The following PDGFC variants were observed in gnomAD, a reference collection of about 807,000 sequenced individuals.
PDGFC encodes platelet-derived growth factor C.
Under a neutral mutation model 35.5 loss-of-function variants are expected in PDGFC, and 12 were observed. The ratio of observed to expected loss-of-function variants is 0.34; its 90% CI spans 0.22 to 0.55. The LOEUF is 0.55. Ranked by LOEUF, PDGFC falls within the 20% of genes least tolerant of loss-of-function variation. The pLI is 0.91. For missense variants in PDGFC, 322 were observed against 412.4 expected (o/e 0.78, Z 1.90); for synonymous variants, 159 against 148.8 (o/e 1.07, Z -0.50).
chr4:156,913,803 T>A (rs566000402), intron 1 of PDGFC, among the ~76,000 whole-genome samples: 1 of 152,182 alleles, frequency 6.6e-6, no homozygotes, highest in Non-Finnish European at 1.5e-5. Flanking sequence ...ACCTCTCTAA[T>A]GGCCCCAGGC....
intron 1 of PDGFC, among the ~76,000 whole-genome samples, chr4:156,927,375 T>C (rs1731439867): frequency 6.6e-6 from 1 of 152,168 alleles, no homozygotes; most frequent in Non-Finnish European, 1.5e-5. Context: ...TCCTCAAAAA[T>C]GGGTTTTTCT....
intron 1 of PDGFC, among the ~76,000 whole-genome samples, chr4:156,942,108 G>A (rs909577229): frequency 2.0e-5 from 3 of 151,844 alleles, no homozygotes; most frequent in Non-Finnish European, 4.4e-5. Context: ...GCCTAAAGAC[G>A]AGAGGGAAAA....
chr4:156,922,097 T>C (rs1319804960), intron 1 of PDGFC, among the ~76,000 whole-genome samples: 1 of 151,886 alleles, frequency 6.6e-6, no homozygotes, highest in Non-Finnish European at 1.5e-5. Context: ...ATAAATATAT[T>C]GTAAGGAGCA....
Position 156,858,850 on chromosome 4 carries a change from A to C in PDGFC, c.119-8434T>G, listed in dbSNP as rs575516446. Among the ~76,000 whole-genome samples, 176 of 152,238 alleles carry C rather than the reference A, an allele frequency of 1.2e-3. 1 individual carries two copies. Among genetic ancestry groups the C allele is most frequent in the African/African-American group, 4.1e-3 (170 of 41,588 alleles). ...CAATAAAGAATTTCATCTGTTTTGG[A>C]GATTAAGCATCTGTTAATTTTCTAC... On this transcript the variant is annotated intron_variant, in intron 1 of 5. Coordinates refer to ENST00000502773, the MANE Select transcript of PDGFC (RefSeq NM_016205.3).
In PDGFC at chr4:156,762,637, A is replaced by G. The variant is rs1192959037; in HGVS notation, c.*453T>C. 6.5e-6 allele frequency: 1 copy of G among 153,022 alleles called. No homozygotes were observed. The allele number at this position is 153,022 out of a possible 1,614,324, so 9.5% of individuals were successfully genotyped here. On this transcript the variant is annotated 3_prime_UTR_variant, in exon 6 of 6. Transcript: ENST00000502773. ...ATGTGAATATGAGCAAAAAAAAAAA[A>G]AAAAATCCAGATTTTATACGATTTT...
chr4:156,863,207 T>C (rs1278909249), intron 1 of PDGFC, among the ~76,000 whole-genome samples: 21 of 152,188 alleles, frequency 1.4e-4, no homozygotes, highest in Admixed American at 1.2e-3. Flanking sequence ...AGTGATGTTA[T>C]TAATTATGTC....
intron 1 of PDGFC, among the ~76,000 whole-genome samples, chr4:156,956,123 C>G (rs1476591306): frequency 6.6e-6 from 1 of 152,022 alleles, no homozygotes; most frequent in Non-Finnish European, 1.5e-5. Context: ...ACAGTAATCA[C>G]CACAACACGC....
rs541379271 is a variant in PDGFC, at chr4:156,861,418, G to C, written c.119-11002C>G. 243 of 1,132,694 alleles carry C rather than the reference G, an allele frequency of 2.1e-4. 5 individuals carry two copies. The South Asian group carries it at 3.1e-3, about 14-fold the overall frequency. 70.2% of individuals were successfully genotyped at this position (1,132,694 alleles called of 1,614,324 possible). A position where few individuals can be genotyped will look rare whatever the true frequency, so the allele number is the denominator to read the frequency against. On this transcript the variant is annotated intron_variant, in intron 1 of 5. Transcript: ENST00000502773. The stretch of plus-strand genomic sequence containing the variant: ...AAACTCAGAGTAAATAAAAATATAC[G>C]TTTTGCTTACCTTTTAAATGTTCTT...
At chr4:156,882,171 A>T (rs1730259906) in intron 1 of PDGFC, among the ~76,000 whole-genome samples, 1 of 152,136 alleles carries the variant, frequency 6.6e-6, no homozygotes, top group Non-Finnish European at 1.5e-5. Flanking sequence ...CCGCAACTAA[A>T]ACAATACATT....
rs535547644 is a variant in PDGFC, at chr4:156,799,323, A to C, written c.495+11514T>G. Among the ~76,000 whole-genome samples the C allele has an allele frequency of 3.3e-5, 5 of 152,244 alleles. No individual in the cohort carries two copies. The East Asian group carries it at 9.7e-4, about 29-fold the overall frequency. On this transcript the variant is annotated intron_variant, in intron 3 of 5. Coordinates refer to ENST00000502773, the MANE Select transcript of PDGFC (RefSeq NM_016205.3). ...ACCTTTGCCCTGGGGCCAAGACACA[A>C]AGACATCTTGGAAATTCCCCCCTCA...
At chr4:156,963,209 T>C (rs1732382554) in intron 1 of PDGFC, among the ~76,000 whole-genome samples, 1 of 152,108 alleles carries the variant, frequency 6.6e-6, no homozygotes, top group South Asian at 2.1e-4. Flanking sequence ...GGCTCACCTC[T>C]GTAATCCCAG....
chr4:156,893,418 C>A lies in PDGFC; in HGVS notation c.119-43002G>T, dbSNP rs573585300. Among the ~76,000 whole-genome samples the A allele has an allele frequency of 2.0e-5, 3 of 152,010 alleles. No homozygotes were observed. The South Asian group carries it at 6.2e-4, about 32-fold the overall frequency. The stretch of plus-strand genomic sequence containing the variant: ...GGCAATCACACACTGCAGCCTCTAA[C>A]TCCTGGCCTCAAGCAATCTCACCTC... On this transcript the variant is annotated intron_variant, in intron 1 of 5. Coordinates refer to ENST00000502773, the MANE Select transcript of PDGFC (RefSeq NM_016205.3).
Position 156,970,914 on chromosome 4 carries a change from G to A in PDGFC, c.-11C>T, listed in dbSNP as rs768950534. On this transcript the variant is annotated 5_prime_UTR_variant, in exon 1 of 6. The change creates a premature stop within an existing upstream ORF in the 5' untranslated region. Transcript: ENST00000502773. ...CCCGAAGAGGCTCATTTGGCTGACT[G>A]GGGTGAGAGCTCACTCACGGCGGGC... The A allele has an allele frequency of 9.5e-6, 15 of 1,577,420 alleles. No homozygotes were observed. The highest frequency in any genetic ancestry group is 1.3e-5 in the Non-Finnish European group (15 of 1,147,204).
chr4:156,913,646 C>T (rs549999697), intron 1 of PDGFC, among the ~76,000 whole-genome samples: 3 of 151,010 alleles, frequency 2.0e-5, no homozygotes, highest in African/African-American at 4.9e-5. Flanking sequence ...CAATAAACAC[C>T]TTATCTTACT....
chr4:156,922,745 C>CG (rs1553978922), intron 1 of PDGFC, among the ~76,000 whole-genome samples: 1 of 151,778 alleles, frequency 6.6e-6, no homozygotes, highest in African/African-American at 2.4e-5. Flanking sequence ...GGTTGGGGGT[C>CG]GGGGGGTGTT....
chr4:156,966,319 G>A (rs1560894627), intron 1 of PDGFC, among the ~76,000 whole-genome samples: 1 of 152,106 alleles, frequency 6.6e-6, no homozygotes, highest in Non-Finnish European at 1.5e-5. Flanking sequence ...TATATATTCT[G>A]ATTACGTATA....
chr4:156,953,047 C>T (rs1732120171), intron 1 of PDGFC, among the ~76,000 whole-genome samples: 2 of 151,822 alleles, frequency 1.3e-5, no homozygotes, highest in Non-Finnish European at 2.9e-5. Context: ...AGCCTAAGCA[C>T]AATGTTTAAA....
chr4:156,801,588 T>C lies in PDGFC; in HGVS notation c.495+9249A>G, dbSNP rs144617786. ...AGAGTTCTTCCTTGGAAGCCATTTA[T>C]AGAGCATGGCACTTGGCACATACTA... is the stretch of plus-strand genomic sequence containing the variant. On this transcript the variant is annotated intron_variant, in intron 3 of 5. Transcript: ENST00000502773. 1.7e-3 allele frequency among the ~76,000 whole-genome samples: 255 copies of C among 152,310 alleles called. 1 individual carries two copies. The highest frequency in any genetic ancestry group is 5.6e-3 in the African/African-American group (232 of 41,574).
chr4:156,915,094 A>G (rs1300986444), intron 1 of PDGFC, among the ~76,000 whole-genome samples: 1 of 152,168 alleles, frequency 6.6e-6, no homozygotes, highest in African/African-American at 2.4e-5. Flanking sequence ...AAATGCTGCT[A>G]AAGTCCTAGA....
Sources: allele counts gnomAD v4.1 joint callset (sites outside exome capture counted in the v4.1 genomes callset), GRCh38; gene constraint gnomAD v4.1.1; transcripts MANE v1.5; gene names NCBI Gene and HGNC (gene_info 2026-07-23, HGNC 2026-07-21).